Variants in NELFA observed in about 807,000 individuals in gnomAD.
NELFA encodes negative elongation factor A.
Under a neutral mutation model 51.8 loss-of-function variants are expected in NELFA, and 35 were observed. The ratio of observed to expected loss-of-function variants is 0.68; its 90% CI spans 0.52 to 0.90. The LOEUF is 0.90. NELFA is among the 40% of genes least tolerant of loss of function. The pLI, the probability that NELFA is intolerant of heterozygous loss-of-function variation, is 0.00. For synonymous variants in NELFA, 417 were observed against 338.4 expected, an observed-to-expected ratio of 1.23 and a Z score of -2.55; for missense variants, 658 against 746.4, an observed-to-expected ratio of 0.88 and a Z score of 1.38.
At chr4:1,985,012 C>T in intron 7 of NELFA, 93 bp from the exon 8 acceptor site, 4 of 896,044 alleles carry the variant, frequency 4.5e-6, no homozygotes, top group Non-Finnish European at 6.7e-6. Flanking sequence ...CTGCCACAGG[C>T]TGTGGCCCCC....
At chr4:1,986,770 T>TCC (rs200399713) in intron 4 of NELFA, among the ~76,000 whole-genome samples, 1 of 3,926 alleles carries the variant, frequency 2.5e-4, no homozygotes, top group Non-Finnish European at 1.3e-3. Flanking sequence ...CCAAGCCTTC[T>TCC]CCCCGTCCCC....
chr4:1,990,421 G>A (rs1415129875), intron 2 of NELFA: 1 of 456,748 alleles, frequency 2.2e-6, no homozygotes, highest in African/African-American at 2.0e-5. Context: ...GCCCCACCTG[G>A]AGAAAAAGCA....
chr4:1,986,543 C>T, intron 4 of NELFA, 141 bp from the exon 5 acceptor site: 2 of 1,358,220 alleles, frequency 1.5e-6, no homozygotes, highest in African/African-American at 1.5e-5. Context: ...GGGCAGGACC[C>T]CCAGGATCCC....
chr4:1,991,148 C>T (rs1418795518), intron 2 of NELFA, among the ~76,000 whole-genome samples: 3 of 152,170 alleles, frequency 2.0e-5, no homozygotes, highest in Admixed American at 6.5e-5. Flanking sequence ...ACAACTAAAT[C>T]GTTGATATTT....
chr4:1,998,560 A>G (rs950621863), intron 1 of NELFA, among the ~76,000 whole-genome samples: 14 of 152,174 alleles, frequency 9.2e-5, no homozygotes, highest in Admixed American at 7.2e-4. Flanking sequence ...CAGAGTTTGA[A>G]CACCACCTTA....
intron 1 of NELFA, among the ~76,000 whole-genome samples, chr4:1,995,370 C>G (rs1330828123): frequency 6.6e-6 from 1 of 152,210 alleles, no homozygotes; most frequent in Non-Finnish European, 1.5e-5. Context: ...GTCATCTAGT[C>G]ACCCTGTATC....
At chr4:1,992,541 C>A in intron 1 of NELFA, 1 of 367,546 alleles carries the variant, frequency 2.7e-6, no homozygotes, top group South Asian at 1.8e-5. Context: ...TGTGAGACAG[C>A]TGGGCTGGCT....
chr4:1,988,444 G>A (rs568778169), intron 3 of NELFA, among the ~76,000 whole-genome samples: 1 of 152,384 alleles, frequency 6.6e-6, no homozygotes, highest in East Asian at 1.9e-4. Flanking sequence ...AAGGGTCAGG[G>A]GACACCGAGT....
At chr4:1,985,966 A>G (rs1019234958) in intron 6 of NELFA, 102 bp from the exon 7 acceptor site, 2 of 1,338,176 alleles carry the variant, frequency 1.5e-6, no homozygotes, top group African/African-American at 1.5e-5. Context: ...GAGGCCACCA[A>G]GGAGCGAGGA....
chr4:1,983,671 C>T lies in NELFA; in HGVS notation c.1327G>A (p.Glu443Lys). Residue 443 changes from glutamate (E) to lysine (K), a missense_variant, in exon 10 of 11, where the codon GAG becomes AAG. Glu to Lys is a moderately conservative substitution (Grantham distance 56, BLOSUM62 1). Around this residue, in one of 3 missense-constraint regions of NELFA, gnomAD observed 87 missense variants for 130.2 expected, o/e 0.67. Coordinates refer to ENST00000382882, the MANE Select transcript of NELFA (RefSeq NM_005663.5). ...ACTTTGTTGGCCGTCTTGAACATCT[C>T]CTGGGCAGCGAACATCTGCTCTCTC... ...LTREQMFAAQ[E>K]MFKTANKVTR... is the part of the protein sequence containing the mutation. 2.5e-6 allele frequency: 4 copies of T among 1,614,048 alleles called. No individual in the cohort carries two copies. Among genetic ancestry groups the T allele is most frequent in the Non-Finnish European group, 3.4e-6 (4 of 1,179,984 alleles).
rs2234563 is a variant in NELFA at position 1,989,937 on chromosome 4, C to T, written c.383-68G>A. On this transcript the variant is annotated intron_variant, in intron 2 of 10. Transcript: ENST00000382882. This position sits in a 1 kb window ranked among gnomAD's most constrained non-coding sequence, Gnocchi z 4.8. ...AGACCTCCCGGCTGAGAGGAGCTGG[C>T]GGCTGCCCAGCCCCACACCCTCCTC... 4.2e-3 allele frequency: 6,598 copies of T among 1,556,282 alleles called. 237 individuals carry two copies. The African/African-American group carries it at 0.079, about 19-fold the overall frequency.
At chr4:1,999,901 G>T (rs1728528230) in intron 1 of NELFA, among the ~76,000 whole-genome samples, 3 of 152,084 alleles carry the variant, frequency 2.0e-5, no homozygotes, top group Admixed American at 6.6e-5. Context: ...GTCAGCAAAT[G>T]CAAAAGAACT....
intron 9 of NELFA, 48 bp from the exon 10 acceptor site, chr4:1,983,743 C>A (rs1727980879): frequency 6.2e-7 from 1 of 1,607,632 alleles, no homozygotes; most frequent in Admixed American, 1.7e-5. Flanking sequence ...CCAGGACCAC[C>A]TCCTGCATCC....
chr4:1,997,093 G>C (rs1218661750), intron 1 of NELFA, among the ~76,000 whole-genome samples: 2 of 152,070 alleles, frequency 1.3e-5, no homozygotes, highest in Non-Finnish European at 2.9e-5. Context: ...CAGCCTGAGT[G>C]ACAGTGACAC....
rs139196814 is a variant in NELFA at position 2,005,498 on chromosome 4, C to T, written c.210+3252G>A. Among the ~76,000 whole-genome samples, 895 of 152,174 alleles carry T rather than the reference C, an allele frequency of 5.9e-3. 11 individuals are homozygous for T. The highest frequency in any genetic ancestry group is 0.02 in the African/African-American group (841 of 41,510). The stretch of plus-strand genomic sequence containing the variant: ...CCTGAGGTCAGGAGTTCGAGAGCAG[C>T]CTGGCCAACATGGTGAAACCCCATC... On this transcript the variant is annotated intron_variant, in intron 1 of 10. Transcript: ENST00000382882.
chr4:1,993,795 C>G (rs1040741122), intron 1 of NELFA, among the ~76,000 whole-genome samples: 18 of 118,952 alleles, frequency 1.5e-4, no homozygotes, highest in Admixed American at 4.3e-4. Flanking sequence ...TCCCCTGGGC[C>G]TTTTTTTTTT....
At chr4:1,994,637 C>T (rs1577622416) in intron 1 of NELFA, among the ~76,000 whole-genome samples, 1 of 151,254 alleles carries the variant, frequency 6.6e-6, no homozygotes, top group African/African-American at 2.4e-5. Flanking sequence ...GGGCGGATCA[C>T]AAGGTCAGGA....
At chr4:1,998,196 C>T (rs1051338802) in intron 1 of NELFA, among the ~76,000 whole-genome samples, 3 of 151,974 alleles carry the variant, frequency 2.0e-5, no homozygotes, top group East Asian at 1.9e-4. Flanking sequence ...AAAGAATCAA[C>T]GAAAAAATGC....
At chr4:1,986,639 G>A (rs897612656) in intron 4 of NELFA, 13 of 529,190 alleles carry the variant, frequency 2.5e-5, no homozygotes, top group Admixed American at 1.9e-4. Context: ...CCCCAGCCCA[G>A]CCACAGGATC....
Sources: allele counts gnomAD v4.1 joint callset (sites outside exome capture counted in the v4.1 genomes callset), GRCh38; gene constraint gnomAD v4.1.1; regional missense constraint gnomAD v4.1.1; non-coding constraint Gnocchi (gnomAD v3.1); transcripts MANE v1.5; gene names NCBI Gene and HGNC (gene_info 2026-07-23, HGNC 2026-07-21).